TUSC3: variants seen among roughly 807,000 people sequenced by gnomAD.
The protein encoded by TUSC3 is tumor suppressor candidate 3.
A neutral mutation model predicts 44.8 loss-of-function variants in TUSC3; 45 were observed. That is an observed-to-expected ratio of 1.00 (90% CI 0.79 to 1.29). TUSC3 has a LOEUF of 1.29. Ranked by LOEUF, TUSC3 falls within the 50% of genes most tolerant of loss-of-function variation. The probability of loss-of-function intolerance (pLI) is 0.00; values close to 1 mark genes in which losing one functional copy is unlikely to be tolerated. For missense variants in TUSC3, 519 were observed against 437.9 expected, an observed-to-expected ratio of 1.19 and a Z score of -1.65; for synonymous variants, 212 against 152.9, an observed-to-expected ratio of 1.39 and a Z score of -2.85.
the TUSC3 span, among the ~76,000 whole-genome samples, chr8:15,828,537 A>C: frequency 9.2e-5 from 14 of 152,230 alleles, no homozygotes; most frequent in Non-Finnish European, 1.3e-4. Context: ...AGAAAGTAGT[A>C]AACAAATGGG....
rs143185745 is a variant in TUSC3, at chr8:15,622,550, G to A, written c.139-530G>A. Among the ~76,000 whole-genome samples, 144 of 152,278 alleles carry A rather than the reference G, an allele frequency of 9.5e-4. 1 individual carries two copies. The East Asian group carries it at 0.022, about 23-fold the overall frequency. ...TGTCTACCAGTCACTGTGCCTCCCA[G>A]ACTAGCCACCATAATGACTTTTAGC... On this transcript the variant is annotated intron_variant, in intron 1 of 10. Transcript: ENST00000503731.
chr8:15,604,387 C>A (rs1396626093), intron 1 of TUSC3, among the ~76,000 whole-genome samples: 1 of 151,486 alleles, frequency 6.6e-6, no homozygotes, highest in Non-Finnish European at 1.5e-5. Flanking sequence ...AACTAACAGA[C>A]CTTATTCGAT....
chr8:15,841,005 G>A, the TUSC3 span, among the ~76,000 whole-genome samples: 149 of 152,194 alleles, frequency 9.8e-4, no homozygotes, highest in African/African-American at 3.5e-3. Context: ...TTCAAAATCC[G>A]TTATTAATGG....
intron 1 of TUSC3, among the ~76,000 whole-genome samples, chr8:15,469,202 C>G (rs570000623): frequency 6.6e-6 from 1 of 152,146 alleles, no homozygotes. Flanking sequence ...CTGTGAAAGA[C>G]ACTGTCTAGA....
At chr8:15,467,840 A>G (rs1257191603) in intron 1 of TUSC3, among the ~76,000 whole-genome samples, 1 of 152,150 alleles carries the variant, frequency 6.6e-6, no homozygotes, top group Non-Finnish European at 1.5e-5. Flanking sequence ...CTTCTAACCT[A>G]AAGTTTTTTA....
intron 4 of TUSC3, among the ~76,000 whole-genome samples, chr8:15,660,554 G>C (rs1452247504): frequency 6.6e-6 from 1 of 151,846 alleles, no homozygotes; most frequent in Non-Finnish European, 1.5e-5. Flanking sequence ...TATTTTAAAA[G>C]TACGTTCGTG....
At chr8:15,809,030 A>G in the TUSC3 span, among the ~76,000 whole-genome samples, 3 of 152,160 alleles carry the variant, frequency 2.0e-5, no homozygotes, top group African/African-American at 7.2e-5. Context: ...AACTCAAGAG[A>G]CAAGGGTTGG....
At chr8:15,504,613 ATATATATATTTTTT>A (rs1184342122) in intron 2 of TUSC3, among the ~76,000 whole-genome samples, 58 of 20,722 alleles carry the variant, frequency 2.8e-3, no homozygotes, top group East Asian at 0.021. Context: ...ATATATATAT[ATATATATATTTTTT>A]TTTTTTTTTT....
the TUSC3 span, among the ~76,000 whole-genome samples, chr8:15,795,026 A>ACT: frequency 6.6e-6 from 1 of 152,070 alleles, no homozygotes; most frequent in African/African-American, 2.4e-5. Flanking sequence ...TCTAATAACT[A>ACT]CTGTAATTAA....
chr8:15,841,648 G>A, the TUSC3 span, among the ~76,000 whole-genome samples: 3 of 152,000 alleles, frequency 2.0e-5, no homozygotes, highest in African/African-American at 7.2e-5. Flanking sequence ...TGAGTAGCTA[G>A]GATTACAGGC....
At chr8:15,652,766 A>G (rs1355198706) in intron 3 of TUSC3, among the ~76,000 whole-genome samples, 1 of 152,142 alleles carries the variant, frequency 6.6e-6, no homozygotes, top group Non-Finnish European at 1.5e-5. Context: ...AATCCTCTCT[A>G]TCATATTGGC....
chr8:15,516,891 TC>T (rs1355148976), intron 2 of TUSC3, among the ~76,000 whole-genome samples: 11 of 152,326 alleles, frequency 7.2e-5, no homozygotes, highest in Non-Finnish European at 1.5e-4. Flanking sequence ...TCATATTATT[TC>T]CGTGTAATTT....
At chr8:15,654,627 T>A (rs1298407233) in intron 3 of TUSC3, among the ~76,000 whole-genome samples, 1 of 152,028 alleles carries the variant, frequency 6.6e-6, no homozygotes, top group Non-Finnish European at 1.5e-5. Context: ...GAAACCCCCA[T>A]CTCTACTAAA....
chr8:15,549,986 A>G (rs184195837), intron 1 of TUSC3, among the ~76,000 whole-genome samples: 1 of 151,780 alleles, frequency 6.6e-6, no homozygotes, highest in Non-Finnish European at 1.5e-5. Flanking sequence ...AAGGGCTTAC[A>G]ACTCTAAGGG....
At chr8:15,488,823 C>T (rs897802678) in intron 2 of TUSC3, among the ~76,000 whole-genome samples, 1 of 152,174 alleles carries the variant, frequency 6.6e-6, no homozygotes, top group Admixed American at 6.5e-5. Context: ...AGCTATGAAA[C>T]TATGAGAAAT....
chr8:15,849,460 G>A, the TUSC3 span, among the ~76,000 whole-genome samples: 3 of 152,134 alleles, frequency 2.0e-5, no homozygotes, highest in Non-Finnish European at 4.4e-5. Flanking sequence ...TGGTGAAACT[G>A]AAAGTTAAGC....
In TUSC3 at chr8:15,758,594, T is replaced by C. The variant is rs146780382; in HGVS notation, c.*46+739T>C. ...ACAGCCTTCTTACTCTGGCAGAAGC[T>C]CCATACCGTTCAGCAACCCACTGAA... On this transcript the variant is annotated intron_variant, in intron 10 of 10. Coordinates refer to ENST00000503731, the MANE Select transcript of TUSC3 (RefSeq NM_006765.4). 2.0e-3 allele frequency among the ~76,000 whole-genome samples: 304 copies of C among 152,082 alleles called. 1 individual carries two copies. The highest frequency in any genetic ancestry group is 7.0e-3 in the African/African-American group (291 of 41,498).
At chr8:15,503,306 C>T (rs1291792552) in intron 2 of TUSC3, among the ~76,000 whole-genome samples, 1 of 152,122 alleles carries the variant, frequency 6.6e-6, no homozygotes, top group Non-Finnish European at 1.5e-5. Flanking sequence ...CTGCCGCCTC[C>T]TGTATCTTAG....
chr8:15,630,877 A>T (rs1805731697), intron 2 of TUSC3, among the ~76,000 whole-genome samples: 1 of 152,204 alleles, frequency 6.6e-6, no homozygotes, highest in Admixed American at 6.5e-5. Flanking sequence ...CAGAGAGGTC[A>T]CACCTCTCAT....
Sources: allele counts gnomAD v4.1 joint callset (sites outside exome capture counted in the v4.1 genomes callset), GRCh38; gene constraint gnomAD v4.1.1; transcripts MANE v1.5; gene names NCBI Gene and HGNC (gene_info 2026-07-23, HGNC 2026-07-21).